MAGI2: variants seen among roughly 807,000 people sequenced by gnomAD.
The protein encoded by MAGI2 is membrane-associated guanylate kinase, WW and PDZ domain-containing protein 2.
In MAGI2, 35 loss-of-function variants were observed where a neutral mutation model predicts 133.3. The ratio of observed to expected loss-of-function variants is 0.26; its 90% CI spans 0.20 to 0.35. The LOEUF (loss-of-function observed/expected upper bound fraction) is 0.35, where lower values mean the gene tolerates loss of function less well. MAGI2 is among the 10% of genes least tolerant of loss of function. The pLI, the probability that MAGI2 is intolerant of heterozygous loss-of-function variation, is 1.00. For synonymous variants in MAGI2, 729 were observed against 710.6 expected, an observed-to-expected ratio of 1.03 and a Z score of -0.41; for missense variants, 1,636 against 1,863.4, an observed-to-expected ratio of 0.88 and a Z score of 2.25.
chr7:79,043,438 G>C (rs988009507), intron 1 of MAGI2, among the ~76,000 whole-genome samples: 1 of 149,904 alleles, frequency 6.7e-6, no homozygotes, highest in African/African-American at 2.5e-5. Flanking sequence ...AGCTACTCAG[G>C]AGGCTGAGAA....
intron 1 of MAGI2, among the ~76,000 whole-genome samples, chr7:79,031,092 C>T (rs1810524631): frequency 1.3e-5 from 2 of 152,114 alleles, no homozygotes; most frequent in Non-Finnish European, 2.9e-5. Flanking sequence ...ATAAATCTAC[C>T]AAGAAGCTGC....
chr7:79,452,796 C>T (rs936903771), intron 1 of MAGI2: 4 of 559,868 alleles, frequency 7.1e-6, no homozygotes, highest in Non-Finnish European at 1.2e-5. Flanking sequence ...GAGGGTCTAA[C>T]TGAGCAAACA....
chr7:78,822,828 A>G (rs1475874250), intron 2 of MAGI2, among the ~76,000 whole-genome samples: 2 of 152,242 alleles, frequency 1.3e-5, no homozygotes, highest in East Asian at 3.8e-4. Flanking sequence ...TGTAAGTCAA[A>G]TAAGTTATGA....
Position 79,115,854 on chromosome 7 carries a change from G to GTTTTTT in MAGI2, c.302-108654_302-108649dup, listed in dbSNP as rs59398227. 1.7e-3 allele frequency among the ~76,000 whole-genome samples: 158 copies of GTTTTTT among 93,944 alleles called. 4 individuals carry two copies. Among genetic ancestry groups the GTTTTTT allele is most frequent in the Admixed American group, 4.6e-3 (36 of 7,816 alleles). The allele number at this position is 93,944 out of a possible 152,430, so 61.6% of individuals were successfully genotyped here. A position where few individuals can be genotyped will look rare whatever the true frequency, so the allele number is the denominator to read the frequency against. ...TCTGAATTATTCTAAATGTTTTAAA[G>GTTTTTT]TTTTTTTTTTTTTTTTTTTTTTTTT... On this transcript the variant is annotated intron_variant, in intron 1 of 21. Transcript: ENST00000354212.
intron 9 of MAGI2, among the ~76,000 whole-genome samples, chr7:78,264,822 G>A (rs1793840923): frequency 6.6e-6 from 1 of 151,952 alleles, no homozygotes; most frequent in Admixed American, 6.6e-5. Context: ...GTGGAAAGCT[G>A]TCCTACTGAA....
At position 79,453,197 on chromosome 7, in the gene MAGI2, G is replaced by T; in HGVS notation, c.124C>A (p.Pro42Thr). ...LKGGAENGQF[P>T]YLGEVKPGKV... is the part of the protein sequence containing the mutation. ...CCGGGCTTCACCTCCCCCAGGTAGGGGAACTGTCCATTCTCGGCGCCCCCC... is the reference window on the plus strand; with the variant it reads ...CCGGGCTTCACCTCCCCCAGGTAGGTGAACTGTCCATTCTCGGCGCCCCCC... Residue 42 changes from proline (P) to threonine (T), a missense_variant, in exon 1 of 22, where the codon CCC (proline) becomes ACC (threonine). Physicochemically the swap from Pro to Thr is conservative, Grantham distance 38. Transcript: ENST00000354212. 1 of 1,614,056 alleles carries T rather than the reference G, an allele frequency of 6.2e-7. No homozygotes were observed. The highest frequency in any genetic ancestry group is 8.5e-7 in the Non-Finnish European group (1 of 1,180,038).
intron 2 of MAGI2, among the ~76,000 whole-genome samples, chr7:78,751,823 A>AT (rs1271128264): frequency 2.6e-5 from 4 of 152,218 alleles, no homozygotes; most frequent in Non-Finnish European, 5.9e-5. Context: ...CAGTGTTCTA[A>AT]TTTTTTGCCA....
At chr7:78,994,834 C>T (rs1806126608) in intron 2 of MAGI2, among the ~76,000 whole-genome samples, 1 of 152,072 alleles carries the variant, frequency 6.6e-6, no homozygotes, top group African/African-American at 2.4e-5. Context: ...GGTTCACTTT[C>T]TTCTTTCCAT....
chr7:78,718,197 T>C (rs1819906158), intron 2 of MAGI2, among the ~76,000 whole-genome samples: 1 of 152,186 alleles, frequency 6.6e-6, no homozygotes, highest in African/African-American at 2.4e-5. Flanking sequence ...TATAACGCTG[T>C]TTCAGATCAA....
chr7:78,340,044 C>T (rs529753151), intron 9 of MAGI2, among the ~76,000 whole-genome samples: 1 of 152,114 alleles, frequency 6.6e-6, no homozygotes, highest in Non-Finnish European at 1.5e-5. Context: ...TATACACAAA[C>T]CACTTTAAAA....
intron 7 of MAGI2, among the ~76,000 whole-genome samples, chr7:78,349,686 T>A (rs1791293244): frequency 6.6e-6 from 1 of 152,204 alleles, no homozygotes; most frequent in Non-Finnish European, 1.5e-5. Flanking sequence ...TATAGCACCA[T>A]AAGCTAATTG....
intron 1 of MAGI2, among the ~76,000 whole-genome samples, chr7:79,452,129 C>T (rs988265426): frequency 3.3e-5 from 5 of 152,102 alleles, no homozygotes; most frequent in African/African-American, 9.7e-5. Flanking sequence ...CCAAAACACG[C>T]CCCCCAAATC....
At chr7:79,246,401 G>A (rs1428018044) in intron 1 of MAGI2, among the ~76,000 whole-genome samples, 1 of 152,034 alleles carries the variant, frequency 6.6e-6, no homozygotes, top group Non-Finnish European at 1.5e-5. Flanking sequence ...GAAAACTCAA[G>A]ATAACACAAA....
chr7:78,655,475 A>AC (rs1554515297), intron 2 of MAGI2, among the ~76,000 whole-genome samples: 13 of 148,428 alleles, frequency 8.8e-5, no homozygotes, highest in South Asian at 8.6e-4. Context: ...AAAAAAAAAA[A>AC]CCACCAGAAA....
At chr7:78,032,939 CAA>C (rs1239485733) in intron 21 of MAGI2, among the ~76,000 whole-genome samples, 1 of 152,022 alleles carries the variant, frequency 6.6e-6, no homozygotes, top group Non-Finnish European at 1.5e-5. Flanking sequence ...TATAGGGCTT[CAA>C]GAGAGAGTCT....
At chr7:78,432,330 T>C (rs968408196) in intron 6 of MAGI2, among the ~76,000 whole-genome samples, 1 of 152,058 alleles carries the variant, frequency 6.6e-6, no homozygotes, top group African/African-American at 2.4e-5. Flanking sequence ...ATATTTAGAT[T>C]GAAATAATTG....
At chr7:78,395,749 A>C (rs10237958) in intron 6 of MAGI2, among the ~76,000 whole-genome samples, 80,535 of 151,796 alleles carry the variant, frequency 0.53, 22,288 homozygotes, top group Middle Eastern at 0.64. Flanking sequence ...CTTATGAAAA[A>C]AATTTTGGGA....
At chr7:78,965,359 A>C (rs1313301690) in intron 2 of MAGI2, among the ~76,000 whole-genome samples, 2 of 151,946 alleles carry the variant, frequency 1.3e-5, no homozygotes, top group African/African-American at 4.8e-5. Flanking sequence ...TATTTCAGAA[A>C]GATCTTATGA....
At chr7:78,333,886 T>C (rs1789488218) in intron 9 of MAGI2, among the ~76,000 whole-genome samples, 1 of 152,200 alleles carries the variant, frequency 6.6e-6, no homozygotes, top group African/African-American at 2.4e-5. Flanking sequence ...GCCAACAATC[T>C]AGTGTTCTTT....
Sources: gnomAD v4.1 joint callset for allele counts (sites outside exome capture counted in the v4.1 genomes callset) on GRCh38, gnomAD v4.1.1 for gene constraint, MANE v1.5 for transcripts, NCBI Gene and HGNC (gene_info 2026-07-23, HGNC 2026-07-21) for gene names.